The following ALLC variants were observed in gnomAD, a reference collection of about 807,000 sequenced individuals.
ALLC encodes probable inactive allantoicase.
ALLC carries 40 observed loss-of-function variants against 45.0 expected under a neutral mutation model. The observed-to-expected ratio is 0.89, with a 90% CI of 0.69 to 1.16. The LOEUF is 1.16. Among genes scored for constraint, ALLC ranks in the 50% most tolerant of loss-of-function variants. The pLI is 0.00. For missense variants in ALLC, 488 were observed against 493.1 expected, an observed-to-expected ratio of 0.99 and a Z score of 0.10; for synonymous variants, 176 against 178.1, an observed-to-expected ratio of 0.99 and a Z score of 0.09.
At chr2:3,690,459 CCCTTT>C (rs1448696092) in intron 7 of ALLC, among the ~76,000 whole-genome samples, 4 of 88,780 alleles carry the variant, frequency 4.5e-5, no homozygotes, top group East Asian at 3.9e-4. Flanking sequence ...CCCCTCCCCT[CCCTTT>C]CCTTTCCTTT....
intron 1 of ALLC, among the ~76,000 whole-genome samples, chr2:3,662,927 A>G (rs1332324855): frequency 6.6e-6 from 1 of 151,210 alleles, no homozygotes; most frequent in African/African-American, 2.5e-5. Context: ...CAATGCTGCG[A>G]CCCCCAGTGT....
At chr2:3,668,106 A>G (rs1278049333) in intron 1 of ALLC, among the ~76,000 whole-genome samples, 3 of 152,206 alleles carry the variant, frequency 2.0e-5, no homozygotes, top group African/African-American at 7.2e-5. Flanking sequence ...GTATGCTCAT[A>G]TTATTTGGGA....
rs751926903 is a variant in ALLC at position 3,679,940 on chromosome 2, T to C, written c.244T>C (p.Phe82Leu). 1.9e-6 allele frequency: 3 copies of C among 1,613,880 alleles called. No individual in the cohort carries two copies. The African/African-American group carries it at 4.0e-5, about 22-fold the overall frequency. Residue 82 changes from phenylalanine (F) to leucine (L), a missense_variant, in exon 5 of 12, where the codon TTC (phenylalanine) becomes CTC (leucine). Phe to Leu is a conservative substitution (Grantham distance 22). Transcript: ENST00000252505. ...IRGFDVDVSY[F>L]TGDYAPRVSI... ...GGGCTTCGACGTGGACGTTTCTTAC[T>C]TCACGGGAGATTACGCTCCTCGAGT...
intron 9 of ALLC, 139 bp downstream of exon 9, chr2:3,696,487 T>C: frequency 1.5e-6 from 1 of 662,000 alleles, no homozygotes; most frequent in Non-Finnish European, 2.4e-6. Context: ...ATTTATATTT[T>C]CCAAATTTCC....
At position 3,677,434 on chromosome 2, in the gene ALLC, G is replaced by A. The variant is rs143480368; in HGVS notation, c.85-1034G>A. On this transcript the variant is annotated intron_variant, in intron 3 of 11. Coordinates refer to ENST00000252505, the MANE Select transcript of ALLC (RefSeq NM_018436.4). ...GTGTGCTGTCTTTAAGATGTGATTT[G>A]ATTGTAATAACATTCAAAATACCAT... Among the ~76,000 whole-genome samples, 355 of 152,354 alleles carry A rather than the reference G, an allele frequency of 2.3e-3. 2 individuals carry two copies. The highest frequency in any genetic ancestry group is 8.0e-3 in the African/African-American group (333 of 41,580).
rs1332322592 is a variant in ALLC at position 3,662,308 on chromosome 2, C to T, written c.-63+4014C>T. Among the ~76,000 whole-genome samples the T allele has an allele frequency of 4.6e-5, 7 of 152,276 alleles. No homozygotes were observed. The East Asian group carries it at 1.4e-3, about 29-fold the overall frequency. On this transcript the variant is annotated intron_variant, in intron 1 of 11. Transcript: ENST00000252505. Reference sequence around the variant, plus strand: ...TATATGGTGAGAAATACATAGGTCTCAGGATTAGAGAGCATGCATTCTGGA... The same window carrying T: ...TATATGGTGAGAAATACATAGGTCTTAGGATTAGAGAGCATGCATTCTGGA...
At chr2:3,674,165 T>A in intron 3 of ALLC, 40 bp downstream of exon 3, 1 of 1,412,286 alleles carries the variant, frequency 7.1e-7, no homozygotes. Flanking sequence ...AGGGTTGATG[T>A]AGAGAAATCT....
intron 5 of ALLC, among the ~76,000 whole-genome samples, chr2:3,681,044 T>C (rs994201616): frequency 6.6e-6 from 1 of 152,186 alleles, no homozygotes; most frequent in East Asian, 1.9e-4. Flanking sequence ...GATAAGTCAA[T>C]GTGGGTTGGC....
chr2:3,658,545 A>T (rs1328936385), intron 1 of ALLC, among the ~76,000 whole-genome samples: 1 of 151,598 alleles, frequency 6.6e-6, no homozygotes, highest in Non-Finnish European at 1.5e-5. Context: ...GTTTGGTTTC[A>T]AATCATGTGA....
rs191347877 is a variant in ALLC at position 3,682,089 on chromosome 2, G to A, written c.378+376G>A. On this transcript the variant is annotated intron_variant, in intron 6 of 11. Transcript: ENST00000252505. ...AGAAACGGGGGAAAAAAATAAATAG[G>A]GCTTGTGTTTTGGTACATTCTTGTT... Among the ~76,000 whole-genome samples, 87 of 152,092 alleles carry A rather than the reference G, an allele frequency of 5.7e-4. 1 individual carries two copies. The Middle Eastern group carries it at 0.024, about 42-fold the overall frequency.
intron 2 of ALLC, among the ~76,000 whole-genome samples, chr2:3,671,984 T>C (rs1666888098): frequency 8.2e-6 from 1 of 122,058 alleles, no homozygotes; most frequent in African/African-American, 3.8e-5. Context: ...CCTCTGGCTC[T>C]ATTTAGATCC....
chr2:3,657,239 G>C (rs1558531403), upstream of ALLC, among the ~76,000 whole-genome samples: 1 of 152,138 alleles, frequency 6.6e-6, no homozygotes, highest in Admixed American at 6.5e-5. Context: ...GGCTGGGGTT[G>C]GGGGTGGGGT....
chr2:3,650,058 G>A, the ALLC span, among the ~76,000 whole-genome samples: 4 of 152,254 alleles, frequency 2.6e-5, no homozygotes, highest in African/African-American at 4.8e-5. Flanking sequence ...GCACGGAGCC[G>A]TCATCTGTGG....
At position 3,660,793 on chromosome 2, in the gene ALLC, ACGGAATGAGTCAGGGTGGGGCAGGAAAT is replaced by A. The variant is rs1572502469; in HGVS notation, c.-63+2518_-63+2545del. Among the ~76,000 whole-genome samples, 7 of 150,438 alleles carry A rather than the reference ACGGAATGAGTCAGGGTGGGGCAGGAAAT, an allele frequency of 4.7e-5. No individual in the cohort carries two copies. In the East Asian group the frequency reaches 1.2e-3, roughly 25 times the overall value. On this transcript the variant is annotated intron_variant, in intron 1 of 11. Coordinates refer to ENST00000252505, the MANE Select transcript of ALLC (RefSeq NM_018436.4). ...AAAATGGTTATGGCAGAGCAGGAAA[ACGGAATGAGTCAGGGTGGGGCAGGAAAT>A]CGGAATGAGTCAGGGTGGAGCAGGT...
intron 4 of ALLC, 62 bp downstream of exon 4, chr2:3,678,617 G>A: frequency 2.1e-6 from 3 of 1,410,898 alleles, no homozygotes; most frequent in Non-Finnish European, 3.0e-6. Flanking sequence ...AACGCAGGCT[G>A]TGGCAAAGCC....
intron 10 of ALLC, among the ~76,000 whole-genome samples, chr2:3,700,770 C>T (rs186413444): frequency 1.4e-3 from 218 of 152,290 alleles, no homozygotes; most frequent in African/African-American, 5.0e-3. Context: ...GGGGCATGTT[C>T]GCCCACCCTG....
chr2:3,689,529 T>C (rs1160865360), intron 7 of ALLC, among the ~76,000 whole-genome samples: 1 of 151,212 alleles, frequency 6.6e-6, no homozygotes, highest in Non-Finnish European at 1.5e-5. Context: ...GTGTCTCTTA[T>C]TATTGATTTC....
At chr2:3,670,012 G>T (rs1012168484) in intron 1 of ALLC, among the ~76,000 whole-genome samples, 3 of 152,148 alleles carry the variant, frequency 2.0e-5, no homozygotes, top group Non-Finnish European at 4.4e-5. Flanking sequence ...GGATGAGGGC[G>T]CAGGAGGAGG....
intron 7 of ALLC, among the ~76,000 whole-genome samples, chr2:3,687,246 A>C (rs1405336723): frequency 1.3e-5 from 2 of 150,882 alleles, no homozygotes; most frequent in Non-Finnish European, 3.0e-5. Flanking sequence ...ATGTTTATTG[A>C]TTCATGTATG....
Sources: gnomAD v4.1 joint callset for allele counts (sites outside exome capture counted in the v4.1 genomes callset) on GRCh38, gnomAD v4.1.1 for gene constraint, MANE v1.5 for transcripts, NCBI Gene and HGNC (gene_info 2026-07-23, HGNC 2026-07-21) for gene names.